TMPRSS11D: variants seen among roughly 807,000 people sequenced by gnomAD.
TMPRSS11D encodes transmembrane serine protease 11D.
A neutral mutation model predicts 44.4 loss-of-function variants in TMPRSS11D; 32 were observed. That is an observed-to-expected ratio of 0.72 (90% CI 0.54 to 0.97). TMPRSS11D has a LOEUF of 0.97. Among genes scored for constraint, TMPRSS11D ranks in the 50% least tolerant of loss-of-function variants. TMPRSS11D has a pLI of 0.00. For synonymous variants in TMPRSS11D, 179 were observed against 177.9 expected, an observed-to-expected ratio of 1.01 and a Z score of -0.05; for missense variants, 446 against 502.6, an observed-to-expected ratio of 0.89 and a Z score of 1.08.
chr4:67,841,508 A>G (rs1718229459), intron 4 of TMPRSS11D, among the ~76,000 whole-genome samples: 1 of 152,166 alleles, frequency 6.6e-6, no homozygotes, highest in South Asian at 2.1e-4. Flanking sequence ...TCTGGATGTC[A>G]TTGTTGAATC....
At chr4:67,830,486 A>C (rs1394732881) in intron 7 of TMPRSS11D, among the ~76,000 whole-genome samples, 1 of 152,100 alleles carries the variant, frequency 6.6e-6, no homozygotes, top group Non-Finnish European at 1.5e-5. Context: ...GAGATTAGAT[A>C]GTGGAGTTAA....
intron 1 of TMPRSS11D, among the ~76,000 whole-genome samples, chr4:67,876,346 T>G (rs1487573722): frequency 6.6e-6 from 1 of 152,110 alleles, no homozygotes; most frequent in Non-Finnish European, 1.5e-5. Flanking sequence ...GTTCAATAAA[T>G]TGTAAATTTG....
intron 2 of TMPRSS11D, among the ~76,000 whole-genome samples, chr4:67,857,831 T>A (rs150890256): frequency 9.9e-4 from 150 of 152,248 alleles, no homozygotes; most frequent in Non-Finnish European, 1.9e-3. Context: ...AACAATCTAT[T>A]ATGTATTTCA....
chr4:67,866,811 A>G (rs546851571), intron 1 of TMPRSS11D, among the ~76,000 whole-genome samples: 1 of 152,114 alleles, frequency 6.6e-6, no homozygotes, highest in African/African-American at 2.4e-5. Flanking sequence ...AAATTAAAAA[A>G]CACTGATAAA....
At chr4:67,846,958 T>G (rs1434600885) in intron 3 of TMPRSS11D, among the ~76,000 whole-genome samples, 1 of 151,540 alleles carries the variant, frequency 6.6e-6, no homozygotes, top group Non-Finnish European at 1.5e-5. Flanking sequence ...CAGGCTGGAG[T>G]GCAATGGGTG....
intron 3 of TMPRSS11D, among the ~76,000 whole-genome samples, chr4:67,852,702 G>C (rs147782076): frequency 6.6e-6 from 1 of 152,150 alleles, no homozygotes; most frequent in South Asian, 2.1e-4. Flanking sequence ...GATTTGGGAA[G>C]AGACTCTTGG....
chr4:67,856,709 G>GA (rs1471926037), intron 2 of TMPRSS11D, among the ~76,000 whole-genome samples: 2 of 151,832 alleles, frequency 1.3e-5, no homozygotes, highest in Non-Finnish European at 2.9e-5. Flanking sequence ...TATTGAATGG[G>GA]AAAAAACATT....
chr4:67,850,677 C>T (rs890804893), intron 3 of TMPRSS11D, among the ~76,000 whole-genome samples: 37 of 152,148 alleles, frequency 2.4e-4, no homozygotes, highest in African/African-American at 8.2e-4. Flanking sequence ...ACAGGCAGAG[C>T]CCCAGGTCTG....
At chr4:67,838,009 T>G in intron 5 of TMPRSS11D, 163 bp downstream of exon 5, 1 of 494,252 alleles carries the variant, frequency 2.0e-6, no homozygotes, top group Non-Finnish European at 3.4e-6. Flanking sequence ...CTTAGAATGA[T>G]TTACGTTAGG....
intron 1 of TMPRSS11D, among the ~76,000 whole-genome samples, chr4:67,878,541 C>A (rs1719247999): frequency 6.6e-6 from 1 of 152,236 alleles, no homozygotes; most frequent in East Asian, 1.9e-4. Context: ...AAGGTCTGGG[C>A]CTTTTTGTTC....
Position 67,842,649 on chromosome 4 carries a change from A to C in TMPRSS11D, c.250-24T>G, listed in dbSNP as rs1369377795. The C allele has an allele frequency of 2.5e-6, 4 of 1,570,252 alleles. 1 individual carries two copies. The Admixed American group carries it at 6.9e-5, about 27-fold the overall frequency. ...ATCTGTAGAAAGAAAGAGAGGGGGA[A>C]TCTCTCTGTAAATACAGTTCTTCTT... On this transcript the variant is annotated intron_variant, in intron 3 of 9. Transcript: ENST00000283916.
chr4:67,851,947 CCACCTTGGGACTGAGGTTA>C (rs1328269669), intron 3 of TMPRSS11D, among the ~76,000 whole-genome samples: 5 of 152,158 alleles, frequency 3.3e-5, no homozygotes, highest in African/African-American at 1.2e-4. Context: ...GCACTCCCAC[CCACCTTGGGACTGAGGTTA>C]CACCATCAAG....
intron 8 of TMPRSS11D, 82 bp downstream of exon 8, chr4:67,827,177 TCC>T: frequency 6.7e-7 from 1 of 1,487,170 alleles, no homozygotes; most frequent in South Asian, 1.4e-5. Flanking sequence ...AAACACCTAT[TCC>T]AGATGTTTCC....
chr4:67,858,206 T>C (rs373933189), intron 2 of TMPRSS11D, among the ~76,000 whole-genome samples: 10 of 152,140 alleles, frequency 6.6e-5, no homozygotes, highest in African/African-American at 2.4e-4. Flanking sequence ...ACAAATACCT[T>C]GGTAAGGGGC....
At chr4:67,867,561 A>G (rs1718956465) in intron 1 of TMPRSS11D, among the ~76,000 whole-genome samples, 1 of 152,184 alleles carries the variant, frequency 6.6e-6, no homozygotes, top group South Asian at 2.1e-4. Context: ...ATGGGAGAAA[A>G]TATTTGCAAG....
chr4:67,844,718 G>T (rs1019389966), intron 3 of TMPRSS11D, among the ~76,000 whole-genome samples: 12 of 151,962 alleles, frequency 7.9e-5, no homozygotes, highest in African/African-American at 2.9e-4. Context: ...GGCAGAGGTC[G>T]CAGTGAGTCA....
At chr4:67,828,386 A>C (rs1285032302) in intron 7 of TMPRSS11D, among the ~76,000 whole-genome samples, 1 of 152,092 alleles carries the variant, frequency 6.6e-6, no homozygotes, top group African/African-American at 2.4e-5. Context: ...CTAATGGATA[A>C]TTTGTTTCAA....
chr4:67,831,004 T>C (rs1430545297), intron 7 of TMPRSS11D, among the ~76,000 whole-genome samples: 1 of 152,136 alleles, frequency 6.6e-6, no homozygotes, highest in African/African-American at 2.4e-5. Context: ...TTAATTATAG[T>C]TCAACAAGCC....
intron 2 of TMPRSS11D, among the ~76,000 whole-genome samples, chr4:67,856,075 A>G (rs1472410765): frequency 6.6e-6 from 1 of 152,236 alleles, no homozygotes. Flanking sequence ...AAAGCAATCT[A>G]TAGATTCAAT....
Sources: gnomAD v4.1 joint callset for allele counts (sites outside exome capture counted in the v4.1 genomes callset) on GRCh38, gnomAD v4.1.1 for gene constraint, MANE v1.5 for transcripts, NCBI Gene and HGNC (gene_info 2026-07-23, HGNC 2026-07-21) for gene names.